NID2: variants seen among roughly 807,000 people sequenced by gnomAD.
NID2 encodes nidogen 2.
NID2 carries 83 observed loss-of-function variants against 145.4 expected under a neutral mutation model. That is an observed-to-expected ratio of 0.57 (90% CI 0.48 to 0.69). The LOEUF (loss-of-function observed/expected upper bound fraction) is 0.69, where lower values mean the gene tolerates loss of function less well. Ranked by LOEUF, NID2 falls within the 30% of genes least tolerant of loss-of-function variation. The pLI is 0.00. For synonymous variants in NID2, 739 were observed against 701.3 expected, an observed-to-expected ratio of 1.05 and a Z score of -0.85; for missense variants, 1,807 against 1,765.7, an observed-to-expected ratio of 1.02 and a Z score of -0.42.
At chr14:52,054,738 A>C (rs1454109625) in intron 3 of NID2, among the ~76,000 whole-genome samples, 1 of 152,226 alleles carries the variant, frequency 6.6e-6, no homozygotes, top group African/African-American at 2.4e-5. Context: ...AAGGCTATTA[A>C]GATCAGGTTC....
At chr14:52,008,544 C>T (rs1890883642) in intron 18 of NID2, 13 of 152,358 alleles carry the variant, frequency 8.5e-5, no homozygotes, top group Admixed American at 8.5e-4. Context: ...GTAACTAATA[C>T]ACAGCCATAT....
At chr14:52,041,134 G>T (rs897191935) in intron 7 of NID2, among the ~76,000 whole-genome samples, 1 of 152,004 alleles carries the variant, frequency 6.6e-6, no homozygotes, top group African/African-American at 2.4e-5. Flanking sequence ...TTTCTCTAAG[G>T]TTGCTAGACT....
In NID2 at chr14:52,067,754, A is replaced by G. The variant is rs1188271463; in HGVS notation, c.534+104T>C. 28 of 1,347,188 alleles carry G rather than the reference A, an allele frequency of 2.1e-5. No individual in the cohort carries two copies. In the East Asian group the frequency reaches 6.2e-4, roughly 30 times the overall value. The allele number at this position is 1,347,188 out of a possible 1,614,324, so 83.5% of individuals were successfully genotyped here. On this transcript the variant is annotated intron_variant, in intron 2 of 21. Coordinates refer to ENST00000216286, the MANE Select transcript of NID2 (RefSeq NM_007361.4). ...TGCCTCCAAGGTCAGGTTCAGCGCA[A>G]GAGTAGGCTCAGAAACAACTCCGAG...
intron 5 of NID2, among the ~76,000 whole-genome samples, chr14:52,049,368 T>C (rs1892611756): frequency 6.6e-6 from 1 of 152,178 alleles, no homozygotes. Flanking sequence ...CATCTTTCAA[T>C]CTTCATTTTC....
chr14:52,067,383 A>G (rs1893255766), intron 2 of NID2, among the ~76,000 whole-genome samples: 1 of 152,252 alleles, frequency 6.6e-6, no homozygotes, highest in East Asian at 1.9e-4. Context: ...GTTAATAGAC[A>G]GCAATAAAGA....
chr14:52,022,794 A>G (rs1891449213), intron 12 of NID2, among the ~76,000 whole-genome samples: 1 of 152,216 alleles, frequency 6.6e-6, no homozygotes, highest in Non-Finnish European at 1.5e-5. Context: ...GAACTGTTGG[A>G]TGATAAACCT....
intron 12 of NID2, 160 bp from the exon 13 acceptor site, chr14:52,020,338 G>A (rs1022135227): frequency 8.2e-7 from 1 of 1,216,936 alleles, no homozygotes; most frequent in African/African-American, 1.5e-5. Flanking sequence ...GACACCTAAA[G>A]GTAAGCTTAA....
rs143213549 is a variant in NID2 at position 52,059,963 on chromosome 14, T to G, written c.767+161A>C. 2.6e-5 allele frequency among the ~76,000 whole-genome samples: 4 copies of G among 152,364 alleles called. No homozygotes were observed. In the East Asian group the frequency reaches 5.8e-4, roughly 22 times the overall value. On this transcript the variant is annotated intron_variant, in intron 3 of 21. Transcript: ENST00000216286. ...AGGACCTTTTATGTTTTGGTGAACT[T>G]GATCCTTCCAGGGTTGAATCTAGTT...
chr14:52,020,090 T>C lies in NID2; in HGVS notation c.2763A>G (p.Gly921=). 2.5e-6 allele frequency: 4 copies of C among 1,614,022 alleles called. No individual in the cohort carries two copies. The highest frequency in any genetic ancestry group is 2.5e-6 in the Non-Finnish European group (3 of 1,179,926). Residue 921 remains glycine, a synonymous_variant, in exon 13 of 22, where the codon GGA becomes GGG. Transcript: ENST00000216286. ...TGCACTGAAATCCATCCCCATAATA[T>C]CCGGGTTGACAACGGCAGGAGAAGG... ...PGSFSCRCQP[G]YYGDGFQCIP...
At chr14:52,026,525 T>C (rs147287407) in intron 12 of NID2, among the ~76,000 whole-genome samples, 9 of 152,352 alleles carry the variant, frequency 5.9e-5, no homozygotes, top group African/African-American at 2.2e-4. Flanking sequence ...GGAAAACCTT[T>C]TGTGATTTAA....
chr14:52,005,392 A>AATTCCTTTTT lies in NID2; in HGVS notation c.*84_*93dup. The AATTCCTTTTT allele has an allele frequency of 1.6e-6, 2 of 1,277,858 alleles. No individual in the cohort carries two copies. Among genetic ancestry groups the AATTCCTTTTT allele is most frequent in the Non-Finnish European group, 2.1e-6 (2 of 947,262 alleles). The allele number at this position is 1,277,858 out of a possible 1,614,324, so 79.2% of individuals were successfully genotyped here. A position where few individuals can be genotyped will look rare whatever the true frequency, so the allele number is the denominator to read the frequency against. Reference sequence around the variant, plus strand: ...GGATGCTCAGGAACGTCTAATGGCCAATTCCTTTTTTACTTTCTTTGCCTT... The same window carrying AATTCCTTTTT: ...GGATGCTCAGGAACGTCTAATGGCCAATTCCTTTTTATTCCTTTTTTACTTTCTTTGCCTT... On this transcript the variant is annotated 3_prime_UTR_variant, in exon 22 of 22. Transcript: ENST00000216286.
intron 14 of NID2, among the ~76,000 whole-genome samples, chr14:52,018,515 C>T (rs1891292922): frequency 6.6e-6 from 1 of 152,214 alleles, no homozygotes; most frequent in African/African-American, 2.4e-5. Context: ...GTCTGTGCCT[C>T]CTCTGAGATG....
At chr14:52,062,724 A>T (rs1300772664) in intron 2 of NID2, among the ~76,000 whole-genome samples, 1 of 152,008 alleles carries the variant, frequency 6.6e-6, no homozygotes, top group African/African-American at 2.4e-5. Flanking sequence ...ATTGAAGGGG[A>T]TGGGGAAGGG....
chr14:52,049,880 C>A (rs1167338699), intron 5 of NID2, among the ~76,000 whole-genome samples: 1 of 152,052 alleles, frequency 6.6e-6, no homozygotes, highest in African/African-American at 2.4e-5. Flanking sequence ...TCTTCACAGG[C>A]ATCGGGGGGC....
chr14:52,021,134 G>A lies in NID2; in HGVS notation c.2675-956C>T, dbSNP rs1219108987. ...AGTAAAAGGAGGATAAACAAAGGGT[G>A]TAGGTCCGATTAAGGCTTGGCTGAA... On this transcript the variant is annotated intron_variant, in intron 12 of 21. Coordinates refer to ENST00000216286, the MANE Select transcript of NID2 (RefSeq NM_007361.4). 2.0e-5 allele frequency among the ~76,000 whole-genome samples: 3 copies of A among 152,234 alleles called. No homozygotes were observed. In the East Asian group the frequency reaches 5.8e-4, roughly 29 times the overall value.
intron 5 of NID2, among the ~76,000 whole-genome samples, chr14:52,044,266 C>CT (rs55972168): frequency 0.56 from 63,818 of 113,356 alleles, 19,887 homozygotes; most frequent in Non-Finnish European, 0.68. Context: ...ATTTAACAAC[C>CT]TTTTTTTTTT....
intron 9 of NID2, among the ~76,000 whole-genome samples, chr14:52,034,743 A>C (rs1411175437): frequency 6.6e-6 from 1 of 152,184 alleles, no homozygotes; most frequent in East Asian, 1.9e-4. Context: ...GATTCACCTC[A>C]CTGAGGAGCT....
At chr14:52,051,965 A>G (rs730531) in intron 5 of NID2, among the ~76,000 whole-genome samples, 110,641 of 152,026 alleles carry the variant, frequency 0.73, 40,979 homozygotes, top group Non-Finnish European at 0.81. Flanking sequence ...CTCAGAGCCC[A>G]AAGCAGGGTG....
At chr14:52,027,948 C>A (rs1304723984) in intron 11 of NID2, among the ~76,000 whole-genome samples, 2 of 152,036 alleles carry the variant, frequency 1.3e-5, no homozygotes, top group Non-Finnish European at 2.9e-5. Context: ...TGGGATAGTT[C>A]TTTTGATCCA....
Sources: allele counts gnomAD v4.1 joint callset (sites outside exome capture counted in the v4.1 genomes callset), GRCh38; gene constraint gnomAD v4.1.1; transcripts MANE v1.5; gene names NCBI Gene and HGNC (gene_info 2026-07-23, HGNC 2026-07-21).